CFAP52: variants seen among roughly 807,000 people sequenced by gnomAD.
CFAP52 encodes cilia- and flagella-associated protein 52.
A neutral mutation model predicts 70.5 loss-of-function variants in CFAP52; 57 were observed. The observed-to-expected ratio is 0.81, with a 90% confidence interval of 0.65 to 1.01. The LOEUF (loss-of-function observed/expected upper bound fraction) is 1.01, where lower values mean the gene tolerates loss of function less well. Among genes scored for constraint, CFAP52 ranks in the 50% least tolerant of loss-of-function variants. The pLI, the probability that CFAP52 is intolerant of heterozygous loss-of-function variation, is 0.00. For missense variants in CFAP52, 785 were observed against 788.5 expected, an observed-to-expected ratio of 1.00 and a Z score of 0.05; for synonymous variants, 267 against 292.5, an observed-to-expected ratio of 0.91 and a Z score of 0.89.
rs1910913833 is a variant in CFAP52, at chr17:9,638,623, A to C, written c.1487A>C (p.Asn496Thr). Reference sequence around the variant, plus strand: ...CTACTTTCCAGGCGTCTCAGGAGGAATCAGATGATACTAGCCAACACCTTA... The same window carrying C: ...CTACTTTCCAGGCGTCTCAGGAGGACTCAGATGATACTAGCCAACACCTTA... ...IIWDLVRLRRNQMILANTLFQ... is the reference protein window; with the variant it reads ...IIWDLVRLRRTQMILANTLFQ... Residue 496 changes from asparagine (N) to threonine (T), a missense_variant, in exon 12 of 14, where the codon AAT becomes ACT. By Grantham distance (65) the Asn-to-Thr change is moderately conservative. Coordinates refer to ENST00000352665, the MANE Select transcript of CFAP52 (RefSeq NM_145054.5). The C allele has an allele frequency of 6.2e-7, 1 of 1,614,048 alleles. No individual in the cohort carries two copies. Among genetic ancestry groups the C allele is most frequent in the Non-Finnish European group, 8.5e-7 (1 of 1,180,028 alleles).
chr17:9,631,885 A>G (rs1910559064), intron 9 of CFAP52, among the ~76,000 whole-genome samples: 1 of 150,384 alleles, frequency 6.6e-6, no homozygotes, highest in African/African-American at 2.5e-5. Context: ...CTCCTGCCTC[A>G]GCCTCCTGAG....
intron 9 of CFAP52, among the ~76,000 whole-genome samples, chr17:9,631,743 A>C (rs573685513): frequency 2.6e-4 from 39 of 151,018 alleles, no homozygotes; most frequent in South Asian, 1.0e-3. Context: ...TTTAATTCTA[A>C]GTGCAGTGGG....
chr17:9,595,740 T>C (rs1908969022), intron 4 of CFAP52, among the ~76,000 whole-genome samples: 1 of 152,000 alleles, frequency 6.6e-6, no homozygotes, highest in South Asian at 2.1e-4. Flanking sequence ...CATTCGTAAG[T>C]AAAATTTTTG....
In CFAP52 at chr17:9,598,760, C is replaced by CAAAAAAAAAAA. The variant is rs71135996; in HGVS notation, c.636+437_636+438insAAAAAAAAAAA. 2.3e-5 allele frequency among the ~76,000 whole-genome samples: 3 copies of CAAAAAAAAAAA among 132,568 alleles called. 1 individual carries two copies. The highest frequency in any genetic ancestry group is 4.7e-4 in the South Asian group (2 of 4,230). 87.0% of individuals were successfully genotyped at this position (132,568 alleles called of 152,430 possible). On this transcript the variant is annotated intron_variant, in intron 5 of 13. Coordinates refer to ENST00000352665, the MANE Select transcript of CFAP52 (RefSeq NM_145054.5). Reference sequence around the variant, plus strand: ...TGGACAACAGAGTGACACTCTGTTTCAAAAAAAAAAGAAGAAAAAGTTCAC... The same window carrying CAAAAAAAAAAA: ...TGGACAACAGAGTGACACTCTGTTTCAAAAAAAAAAAAAAAAAAAAAGAAGAAAAAGTTCAC...
intron 10 of CFAP52, among the ~76,000 whole-genome samples, chr17:9,634,954 G>A (rs1236612709): frequency 6.6e-6 from 1 of 152,106 alleles, no homozygotes; most frequent in Non-Finnish European, 1.5e-5. Context: ...AGTAGAGTTG[G>A]GAACCATTGC....
chr17:9,644,938 TAA>T (rs1460938252), downstream of CFAP52: 1 of 152,214 alleles, frequency 6.6e-6, no homozygotes, highest in Non-Finnish European at 1.5e-5. Flanking sequence ...ATCTGTGGTG[TAA>T]AAAAGCAAAC....
chr17:9,628,946 T>G (rs1910344317), intron 9 of CFAP52, 126 bp downstream of exon 9: 1 of 1,382,356 alleles, frequency 7.2e-7, no homozygotes, highest in Non-Finnish European at 9.9e-7. Context: ...CACCCCCTTC[T>G]TGCTTCTAAT....
At chr17:9,644,756 G>T (rs1911245491), downstream of CFAP52, 1 of 152,152 alleles carries the variant, frequency 6.6e-6, no homozygotes, top group African/African-American at 2.4e-5. Context: ...AAATACTGAG[G>T]CTGGAAAGGG....
chr17:9,641,734 GGGAAGTATTTGATGGGACA>G lies in CFAP52; in HGVS notation c.1588_1606del (p.Glu530Ter). On this transcript the variant is annotated frameshift_variant, in exon 13 of 14. Transcript: ENST00000352665. LOFTEE classifies it high-confidence loss of function. ...TTTCCTGAATTCCAGATTGCTTACT[GGGAAGTATTTGATGGGACA>G]GTAATCAGAGAATTGGAAGGTTCCC... 6.2e-7 allele frequency: 1 copy of G among 1,613,198 alleles called. No individual in the cohort carries two copies. The highest frequency in any genetic ancestry group is 1.3e-5 in the African/African-American group (1 of 74,998).
intron 3 of CFAP52, among the ~76,000 whole-genome samples, chr17:9,592,008 T>A (rs1249456588): frequency 6.6e-6 from 1 of 152,228 alleles, no homozygotes; most frequent in Admixed American, 6.5e-5. Flanking sequence ...ACCTTGAAGA[T>A]TCTACTACCC....
Position 9,600,158 on chromosome 17 carries a change from G to GAA in CFAP52, c.728_729insAA (p.Pro244SerfsTer17), listed in dbSNP as rs756205458. 6.2e-7 allele frequency: 1 copy of GAA among 1,613,930 alleles called. No homozygotes were observed. Among genetic ancestry groups the GAA allele is most frequent in the South Asian group, 1.1e-5 (1 of 91,062 alleles). On this transcript the variant is annotated frameshift_variant, in exon 6 of 14. Transcript: ENST00000352665. LOFTEE classifies it high-confidence loss of function. Reference sequence around the variant, plus strand: ...AGGACTAAACTGCTGACAGATGTTGGGCCTGCGAAGGACAAATTCAGTTTG... The same window carrying GAA: ...AGGACTAAACTGCTGACAGATGTTGGAAGCCTGCGAAGGACAAATTCAGTTTG...
At position 9,612,428 on chromosome 17, in the gene CFAP52, C is replaced by G. The variant is rs775458752; in HGVS notation, c.974C>G (p.Thr325Arg). ...GTCAGCTTCACGGATTTCAAAGAGA[C>G]GCTCATAGCGACTTGTCACTTTGAT... is the stretch of plus-strand genomic sequence containing the variant. ...YRVSFTDFKETLIATCHFDAV... is the reference protein window; with the variant it reads ...YRVSFTDFKERLIATCHFDAV... Residue 325 changes from threonine to arginine, a missense_variant, in exon 8 of 14, where the codon ACG becomes AGG. Physicochemically the swap from Thr to Arg is moderately conservative, Grantham distance 71. Coordinates refer to ENST00000352665, the MANE Select transcript of CFAP52 (RefSeq NM_145054.5). 1 of 1,614,164 alleles carries G rather than the reference C, an allele frequency of 6.2e-7. No homozygotes were observed. Among genetic ancestry groups the G allele is most frequent in the Admixed American group, 1.7e-5 (1 of 60,014 alleles).
intron 6 of CFAP52, among the ~76,000 whole-genome samples, chr17:9,600,804 G>GA (rs1165399465): frequency 2.6e-5 from 4 of 152,228 alleles, no homozygotes; most frequent in African/African-American, 9.6e-5. Context: ...GAGTTTGTGG[G>GA]AAAACATAAA....
intron 12 of CFAP52, among the ~76,000 whole-genome samples, chr17:9,640,100 T>C (rs1282910799): frequency 1.3e-5 from 2 of 152,136 alleles, no homozygotes; most frequent in African/African-American, 4.8e-5. Flanking sequence ...AATGTCTAGC[T>C]AGATTCAGAG....
chr17:9,578,663 A>G (rs554338944), intron 1 of CFAP52, among the ~76,000 whole-genome samples: 1 of 152,304 alleles, frequency 6.6e-6, no homozygotes, highest in South Asian at 2.1e-4. Context: ...CTCCTGCCTC[A>G]GCCTCCAGAG....
At chr17:9,622,374 C>A (rs375795363) in intron 8 of CFAP52, among the ~76,000 whole-genome samples, 56 of 152,028 alleles carry the variant, frequency 3.7e-4, no homozygotes, top group African/African-American at 1.3e-3. Flanking sequence ...TGGTGAGACA[C>A]CCCTTCCTCA....
At chr17:9,603,073 T>C (rs1036800237) in intron 6 of CFAP52, among the ~76,000 whole-genome samples, 5 of 152,138 alleles carry the variant, frequency 3.3e-5, no homozygotes, top group African/African-American at 1.2e-4. Context: ...TGAAAACTAG[T>C]GGATTTTTTG....
intron 9 of CFAP52, among the ~76,000 whole-genome samples, chr17:9,630,724 C>T (rs970882397): frequency 6.6e-6 from 1 of 151,482 alleles, no homozygotes; most frequent in African/African-American, 2.4e-5. Context: ...GCCACTGCGC[C>T]CTGCCCGATT....
intron 7 of CFAP52, 109 bp downstream of exon 7, chr17:9,608,328 T>G: frequency 1.1e-6 from 1 of 894,526 alleles, no homozygotes; most frequent in Non-Finnish European, 1.6e-6. Context: ...GGTTAAAAAA[T>G]TTCATCTTGC....
Sources: gnomAD v4.1 joint callset for allele counts (sites outside exome capture counted in the v4.1 genomes callset) on GRCh38, gnomAD v4.1.1 for gene constraint, MANE v1.5 for transcripts, NCBI Gene and HGNC (gene_info 2026-07-23, HGNC 2026-07-21) for gene names.